The following NLRP5 variants were observed in gnomAD, a reference collection of about 807,000 sequenced individuals.
NLRP5 encodes the protein NLR family pyrin domain containing 5.
In NLRP5, 93 loss-of-function variants were observed where a neutral mutation model predicts 113.1. The ratio of observed to expected loss-of-function variants is 0.82; its 90% CI spans 0.70 to 0.98. The LOEUF is 0.98. Among genes scored for constraint, NLRP5 ranks in the 50% least tolerant of loss-of-function variants. The probability of loss-of-function intolerance (pLI) is 0.00; values close to 1 mark genes in which losing one functional copy is unlikely to be tolerated. For missense variants in NLRP5, 1,808 were observed against 1,514.3 expected (o/e 1.19, Z -3.22); for synonymous variants, 751 against 600.7 (o/e 1.25, Z -3.66).
Position 56,038,079 on chromosome 19 carries a change from T to C in NLRP5, c.2670T>C (p.Leu890=). 1.9e-6 allele frequency: 3 copies of C among 1,613,964 alleles called. No homozygotes were observed. In the South Asian group the frequency reaches 3.3e-5, roughly 18 times the overall value. ...GTTACCTGAAGATCTCCCAAATCCTTACGACCTCCCCCAGCCTGAAATCTC... is the reference window on the plus strand; with the variant it reads ...GTTACCTGAAGATCTCCCAAATCCTCACGACCTCCCCCAGCCTGAAATCTC... Residue 890 remains leucine, a synonymous_variant, in exon 10 of 15, where the codon CTT becomes CTC. Transcript: ENST00000390649.
intron 2 of NLRP5, among the ~76,000 whole-genome samples, chr19:56,007,453 TAAAC>T (rs1195515513): frequency 1.3e-5 from 2 of 150,268 alleles, no homozygotes; most frequent in Non-Finnish European, 2.9e-5. Flanking sequence ...TAGGCTGAGA[TAAAC>T]AAAGAAGAGG....
chr19:56,025,880 A>C (rs1982824575), intron 6 of NLRP5, among the ~76,000 whole-genome samples: 1 of 152,002 alleles, frequency 6.6e-6, no homozygotes, highest in South Asian at 2.1e-4. Context: ...GTTGGCATAC[A>C]TCATTCATTT....
At chr19:56,011,691 C>CT (rs201802212) in intron 3 of NLRP5, among the ~76,000 whole-genome samples, 15,525 of 143,824 alleles carry the variant, frequency 0.11, 975 homozygotes, top group East Asian at 0.21. Flanking sequence ...TTTCCTATGT[C>CT]TTTTTTTTTT....
rs543375546 is a variant in NLRP5 at position 56,043,511 on chromosome 19, A to G, written c.2957+2419A>G. Reference sequence around the variant, plus strand: ...CTCTAGATTGTGAAGATTTTCTCCTACTCTATGGATTGTCTGTTTACTCTG... The same window carrying G: ...CTCTAGATTGTGAAGATTTTCTCCTGCTCTATGGATTGTCTGTTTACTCTG... On this transcript the variant is annotated intron_variant, in intron 11 of 14. Transcript: ENST00000390649. Among the ~76,000 whole-genome samples, 12 of 114,128 alleles carry G rather than the reference A, an allele frequency of 1.1e-4. No individual in the cohort carries two copies. In the Admixed American group the frequency reaches 1.1e-3, roughly 11 times the overall value. 74.9% of individuals were successfully genotyped at this position (114,128 alleles called of 152,430 possible). A position where few individuals can be genotyped will look rare whatever the true frequency, so the allele number is the denominator to read the frequency against.
At chr19:56,028,665 G>A (rs543341576) in intron 7 of NLRP5, among the ~76,000 whole-genome samples, 156 bp downstream of exon 7, 4 of 152,138 alleles carry the variant, frequency 2.6e-5, no homozygotes, top group African/African-American at 9.7e-5. Context: ...TGCCAGGACC[G>A]GAATCTGGCT....
intron 11 of NLRP5, among the ~76,000 whole-genome samples, chr19:56,043,542 CTTTTTTTTTTTTT>C (rs369622191): frequency 3.4e-4 from 32 of 92,904 alleles, no homozygotes; most frequent in Admixed American, 9.8e-4. Context: ...CTCTGCTATT[CTTTTTTTTTTTTT>C]TTTTTTTTTT....
At chr19:56,022,814 T>C (rs2123296607) in intron 6 of NLRP5, among the ~76,000 whole-genome samples, 1 of 152,288 alleles carries the variant, frequency 6.6e-6, no homozygotes, top group East Asian at 1.9e-4. Flanking sequence ...AACCTCCGCC[T>C]CCCAGGTTCA....
At chr19:55,992,375 G>C in the NLRP5 span, among the ~76,000 whole-genome samples, 4 of 152,088 alleles carry the variant, frequency 2.6e-5, no homozygotes, top group Admixed American at 1.3e-4. Context: ...ATTCCTCTTA[G>C]TGTATATACC....
chr19:56,055,856 C>G (rs1410569472), intron 13 of NLRP5, among the ~76,000 whole-genome samples: 1 of 151,882 alleles, frequency 6.6e-6, no homozygotes, highest in South Asian at 2.1e-4. Flanking sequence ...GTTTTTCTGT[C>G]TTCTAAATGC....
At chr19:56,004,124 C>T (rs765674306) in intron 2 of NLRP5, 29 bp downstream of exon 2, 13 of 1,565,852 alleles carry the variant, frequency 8.3e-6, no homozygotes, top group Middle Eastern at 3.8e-4. Flanking sequence ...AAGTCTAGGG[C>T]AGGGAGGGGA....
intron 11 of NLRP5, among the ~76,000 whole-genome samples, chr19:56,049,513 T>C (rs969136250): frequency 6.6e-6 from 1 of 151,804 alleles, no homozygotes; most frequent in Non-Finnish European, 1.5e-5. Context: ...TTTCACCATG[T>C]TGGCCAGGAT....
chr19:56,019,997 C>T (rs913470485), intron 5 of NLRP5, among the ~76,000 whole-genome samples: 8 of 151,692 alleles, frequency 5.3e-5, no homozygotes, highest in East Asian at 1.9e-4. Context: ...CCACTGTGCC[C>T]GACTAATTTT....
rs116178297 is a variant in NLRP5 at position 56,044,426 on chromosome 19, C to T, written c.2957+3334C>T. ...GAGATGAGGATCCGGTTTCATTCTC[C>T]GACATGTGGCTAGCCAATTATCTCA... On this transcript the variant is annotated intron_variant, in intron 11 of 14. Transcript: ENST00000390649. 5.8e-3 allele frequency among the ~76,000 whole-genome samples: 883 copies of T among 152,290 alleles called. 10 individuals carry two copies. The highest frequency in any genetic ancestry group is 0.02 in the African/African-American group (816 of 41,560).
chr19:56,058,196 T>A, intron 13 of NLRP5, 44 bp from the exon 14 acceptor site: 1 of 1,483,834 alleles, frequency 6.7e-7, no homozygotes, highest in Non-Finnish European at 9.3e-7. Context: ...GAAGGGTCCA[T>A]CATCGATCTT....
In NLRP5 at chr19:56,032,594, T is replaced by C. The variant is rs1438612130; in HGVS notation, c.2277-17T>C. 2 of 1,605,072 alleles carry C rather than the reference T, an allele frequency of 1.2e-6. No individual in the cohort carries two copies. Among genetic ancestry groups the C allele is most frequent in the Non-Finnish European group, 1.7e-6 (2 of 1,173,832 alleles). ...ACTCCATCCCATGAGCCCATGTTTC[T>C]ATCCCCCCTGACATAGGATGCGGGA... On this transcript the variant is annotated splice_polypyrimidine_tract_variant and intron_variant, in intron 7 of 14. Transcript: ENST00000390649.
At chr19:56,060,666 T>C (rs892443751) in intron 14 of NLRP5, among the ~76,000 whole-genome samples, 2 of 152,150 alleles carry the variant, frequency 1.3e-5, no homozygotes, top group Non-Finnish European at 2.9e-5. Flanking sequence ...GTTAGGACTG[T>C]TGTAAGGAAC....
intron 3 of NLRP5, among the ~76,000 whole-genome samples, chr19:56,013,692 A>G (rs1982300394): frequency 7.2e-6 from 1 of 138,552 alleles, no homozygotes; most frequent in South Asian, 2.3e-4. Flanking sequence ...AGGGAGGCCT[A>G]TACCTAGGAG....
intron 13 of NLRP5, among the ~76,000 whole-genome samples, chr19:56,055,746 C>CGT (rs1984121647): frequency 6.6e-6 from 1 of 151,198 alleles, no homozygotes; most frequent in South Asian, 2.1e-4. Flanking sequence ...GGGGTTTCAC[C>CGT]GTGTTAGCCA....
intron 10 of NLRP5, 128 bp from the exon 11 acceptor site, chr19:56,040,794 T>G: frequency 1.4e-6 from 1 of 720,994 alleles, no homozygotes; most frequent in Non-Finnish European, 2.2e-6. Context: ...GGATGCGACT[T>G]CACCATATGT....
Sources: allele counts gnomAD v4.1 joint callset (sites outside exome capture counted in the v4.1 genomes callset), GRCh38; gene constraint gnomAD v4.1.1; transcripts MANE v1.5; gene names NCBI Gene and HGNC (gene_info 2026-07-23, HGNC 2026-07-21).